Variants in SYNE2 observed in about 807,000 individuals in gnomAD.
SYNE2 encodes spectrin repeat containing nuclear envelope protein 2, also known as nesprin-2.
A neutral mutation model predicts 856.3 loss-of-function variants in SYNE2; 431 were observed. The observed-to-expected ratio is 0.50, with a 90% CI of 0.47 to 0.55. SYNE2 has a LOEUF of 0.55. Ranked by LOEUF, SYNE2 falls within the 20% of genes least tolerant of loss-of-function variation. The pLI is 0.00. For missense variants in SYNE2, 8,129 were observed against 8,023.2 expected (o/e 1.01, Z -0.50); for synonymous variants, 2,923 against 2,872.3 (o/e 1.02, Z -0.56).
chr14:63,862,137 A>G (rs1034280568), intron 1 of SYNE2, among the ~76,000 whole-genome samples: 2 of 152,226 alleles, frequency 1.3e-5, no homozygotes, highest in Non-Finnish European at 2.9e-5. Context: ...TGAATTTGAA[A>G]CCAAATCATG....
intron 84 of SYNE2, 70 bp from the exon 85 acceptor site, chr14:64,152,494 C>T: frequency 6.6e-7 from 1 of 1,513,000 alleles, no homozygotes. Context: ...GAGTGAACTC[C>T]TGTCTCTGAC....
In SYNE2 at chr14:64,159,389, C is replaced by G. The variant is rs1457090163; in HGVS notation, c.16041C>G (p.Leu5347=). The G allele has an allele frequency of 6.2e-7, 1 of 1,614,006 alleles. No individual in the cohort carries two copies. Among genetic ancestry groups the G allele is most frequent in the Admixed American group, 1.7e-5 (1 of 60,026 alleles). The stretch of plus-strand genomic sequence containing the variant: ...AGGTTATCGGCAAACTCAAAGGTCT[C>G]TGCCCCTCTGTTGCTGAAATAATCG... ...LQEVIGKLKG[L]CPSVAEIIEE... The change falls in exon 87 of 116, where the codon CTC becomes CTG. Residue 5347 remains leucine, a synonymous_variant. Transcript: ENST00000555002.
chr14:63,870,952 C>G (rs1383366212), intron 1 of SYNE2, among the ~76,000 whole-genome samples: 6 of 152,038 alleles, frequency 3.9e-5, no homozygotes, highest in Non-Finnish European at 5.9e-5. Flanking sequence ...ATTTATTTTC[C>G]AGCTGTTTTT....
chr14:63,989,112 A>G (rs2096647900), intron 19 of SYNE2, among the ~76,000 whole-genome samples: 1 of 152,194 alleles, frequency 6.6e-6, no homozygotes, highest in Non-Finnish European at 1.5e-5. Flanking sequence ...ATCTGTTCTT[A>G]GATTTTCAAA....
At chr14:64,024,848 CCTTTT>C (rs1292589340) in intron 39 of SYNE2, 59 bp from the exon 40 acceptor site, 20 of 1,575,382 alleles carry the variant, frequency 1.3e-5, no homozygotes, top group Non-Finnish European at 1.6e-5. Flanking sequence ...TTTGTGCCAT[CCTTTT>C]CTTTGGTATA....
intron 66 of SYNE2, among the ~76,000 whole-genome samples, chr14:64,118,753 C>T (rs558906310): frequency 3.5e-4 from 53 of 151,358 alleles, no homozygotes; most frequent in African/African-American, 1.2e-3. Context: ...CCCAGCTACT[C>T]GGGAGGCTGA....
intron 66 of SYNE2, among the ~76,000 whole-genome samples, chr14:64,115,512 T>A (rs1407207265): frequency 3.3e-5 from 5 of 152,148 alleles, no homozygotes. Flanking sequence ...GGGATTTTTT[T>A]ATAGCCCAGG....
chr14:64,080,447 C>T lies in SYNE2; in HGVS notation c.11164-9C>T. ...TTCATTCAAGTTGACTTACGATTTC[C>T]TTCTCCAGAAAATGTGGGACGAGTT... On this transcript the variant is annotated splice_polypyrimidine_tract_variant and intron_variant, in intron 55 of 115. Transcript: ENST00000555002. 6.2e-7 allele frequency: 1 copy of T among 1,614,072 alleles called. No individual in the cohort carries two copies. Among genetic ancestry groups the T allele is most frequent in the Non-Finnish European group, 8.5e-7 (1 of 1,180,002 alleles).
chr14:64,028,595 G>A (rs573712465), intron 43 of SYNE2, among the ~76,000 whole-genome samples: 1 of 152,036 alleles, frequency 6.6e-6, no homozygotes, highest in African/African-American at 2.4e-5. Context: ...AACTCTCAAG[G>A]ATGGAGGAAT....
chr14:64,019,117 A>G (rs1284024002), intron 34 of SYNE2, among the ~76,000 whole-genome samples: 1 of 152,116 alleles, frequency 6.6e-6, no homozygotes, highest in Non-Finnish European at 1.5e-5. Context: ...CTAAAAATAC[A>G]AAAATATTAG....
chr14:64,059,576 C>T (rs1393539061), intron 49 of SYNE2, among the ~76,000 whole-genome samples: 1 of 152,230 alleles, frequency 6.6e-6, no homozygotes, highest in Non-Finnish European at 1.5e-5. Context: ...GACACAAGCA[C>T]CCTTGTGGCA....
intron 107 of SYNE2, 153 bp downstream of exon 107, chr14:64,215,507 A>C: frequency 1.2e-6 from 1 of 803,764 alleles, no homozygotes; most frequent in Non-Finnish European, 2.2e-6. Flanking sequence ...TGCCGTACTC[A>C]CCCATAACTG....
chr14:63,998,294 G>C lies in SYNE2; in HGVS notation c.3319G>C (p.Asp1107His), dbSNP rs772380121. ...GCAAGAAGAAAGCATTATGGAAAAGGATTACAGTGCATCTATAAATAGTTT... is the reference window on the plus strand; with the variant it reads ...GCAAGAAGAAAGCATTATGGAAAAGCATTACAGTGCATCTATAAATAGTTT... ...PLQEESIMEK[D>H]YSASINSLLE... The change falls in exon 26 of 116, where the codon GAT (aspartate) becomes CAT (histidine). Residue 1107 changes from aspartate to histidine, a missense_variant. Physicochemically the swap from Asp to His is moderately conservative, Grantham distance 81 (BLOSUM62 -1). Transcript: ENST00000555002. The C allele has an allele frequency of 6.2e-7, 1 of 1,613,640 alleles. No homozygotes were observed. Among genetic ancestry groups the C allele is most frequent in the East Asian group, 2.2e-5 (1 of 44,842 alleles).
At chr14:63,771,100 C>T (rs994599060) in intron 1 of SYNE2, among the ~76,000 whole-genome samples, 7 of 137,280 alleles carry the variant, frequency 5.1e-5, no homozygotes, top group African/African-American at 2.0e-4. Context: ...GACGGAGTCT[C>T]GCTCTGTGGC....
chr14:63,941,915 T>G lies in SYNE2; in HGVS notation c.268T>G (p.Cys90Gly). 1 of 1,613,374 alleles carries G rather than the reference T, an allele frequency of 6.2e-7. No individual in the cohort carries two copies. The highest frequency in any genetic ancestry group is 8.5e-7 in the Non-Finnish European group (1 of 1,179,958). Residue 90 changes from cysteine to glycine, a missense_variant, in exon 5 of 116, where the codon TGT becomes GGT. This residue lies in a region of SYNE2 where 2,422 missense variants were observed against 2,357.4 expected (regional missense o/e 1.03). Coordinates refer to ENST00000555002, the MANE Select transcript of SYNE2 (RefSeq NM_182914.3). ...PRDKGSNTFQ[C>G]RINIEHALTF... ...GGATAAAGGATCTAATACCTTCCAG[T>G]GTAGAATCAATATAGAACATGCCTT...
intron 1 of SYNE2, among the ~76,000 whole-genome samples, chr14:63,830,668 A>C (rs35353466): frequency 0.06 from 9,129 of 151,894 alleles, 297 homozygotes; most frequent in Middle Eastern, 0.099. Context: ...CTCAAAAAAA[A>C]ATTTTAATTA....
chr14:63,857,848 G>A (rs1045083883), intron 1 of SYNE2, among the ~76,000 whole-genome samples: 7 of 152,176 alleles, frequency 4.6e-5, no homozygotes, highest in Non-Finnish European at 7.4e-5. Context: ...GTGTATTCTG[G>A]ATGCAAGTCA....
intron 63 of SYNE2, among the ~76,000 whole-genome samples, 184 bp from the exon 64 acceptor site, chr14:64,101,748 T>C (rs1280137984): frequency 6.6e-6 from 1 of 152,202 alleles, no homozygotes; most frequent in East Asian, 1.9e-4. Context: ...GCAGCCACAT[T>C]TGTAAACATG....
At chr14:63,865,884 TAAA>T (rs1288356437) in intron 1 of SYNE2, among the ~76,000 whole-genome samples, 1 of 152,108 alleles carries the variant, frequency 6.6e-6, no homozygotes, top group Non-Finnish European at 1.5e-5. Flanking sequence ...TCTAGCTCAT[TAAA>T]AAAGGATTTA....
Sources: allele counts gnomAD v4.1 joint callset (sites outside exome capture counted in the v4.1 genomes callset), GRCh38; gene constraint gnomAD v4.1.1; regional missense constraint gnomAD v4.1.1; transcripts MANE v1.5; gene names NCBI Gene and HGNC (gene_info 2026-07-23, HGNC 2026-07-21).